The following RBFOX1 variants were observed in gnomAD, a reference collection of about 807,000 sequenced individuals.
The protein encoded by RBFOX1 is RNA binding fox-1 homolog 1.
A neutral mutation model predicts 57.7 loss-of-function variants in RBFOX1; 8 were observed. The observed-to-expected ratio is 0.14, with a 90% CI of 0.08 to 0.25. The LOEUF is 0.25. RBFOX1 is among the 10% of genes least tolerant of loss of function. The pLI is 1.00. For synonymous variants in RBFOX1, 326 were observed against 222.4 expected, an observed-to-expected ratio of 1.47 and a Z score of -4.15; for missense variants, 611 against 548.5, an observed-to-expected ratio of 1.11 and a Z score of -1.14.
chr16:5,396,519 G>A (rs1222340733), intron 1 of RBFOX1, among the ~76,000 whole-genome samples: 2 of 152,182 alleles, frequency 1.3e-5, no homozygotes, highest in Non-Finnish European at 2.9e-5. Context: ...GCACATGCCT[G>A]TATTCCCAAC....
At chr16:7,202,715 G>A (rs753037036) in intron 4 of RBFOX1, among the ~76,000 whole-genome samples, 9 of 152,268 alleles carry the variant, frequency 5.9e-5, no homozygotes, top group African/African-American at 1.2e-4. Flanking sequence ...TGCATGTGAG[G>A]GATCTAGGTT....
intron 4 of RBFOX1, among the ~76,000 whole-genome samples, chr16:7,078,493 G>T (rs2153791797): frequency 6.7e-6 from 1 of 149,316 alleles, no homozygotes; most frequent in South Asian, 2.1e-4. Flanking sequence ...GATTATAGGT[G>T]CCTGCCATCA....
chr16:7,188,556 C>G, intron 4 of RBFOX1, among the ~76,000 whole-genome samples: 1 of 152,140 alleles, frequency 6.6e-6, no homozygotes, highest in East Asian at 1.9e-4. Flanking sequence ...TCACCCACCT[C>G]GTTCCCTGAA....
At chr16:5,778,773 C>G (rs1399387602) in intron 3 of RBFOX1, among the ~76,000 whole-genome samples, 8 of 152,202 alleles carry the variant, frequency 5.3e-5, no homozygotes, top group Non-Finnish European at 1.2e-4. Context: ...TGAGCTCTAA[C>G]TCCCACCCCT....
chr16:7,661,555 A>C (rs2067731075), intron 12 of RBFOX1, among the ~76,000 whole-genome samples: 1 of 152,096 alleles, frequency 6.6e-6, no homozygotes, highest in Non-Finnish European at 1.5e-5. Context: ...TTCCACATTC[A>C]GGGCACCTCT....
At chr16:5,559,856 A>T (rs2045827872) in intron 2 of RBFOX1, among the ~76,000 whole-genome samples, 1 of 152,068 alleles carries the variant, frequency 6.6e-6, no homozygotes, top group Non-Finnish European at 1.5e-5. Context: ...GCAAGCTCAC[A>T]TCATACCCTT....
At chr16:6,075,503 C>G (rs2095885875) in intron 1 of RBFOX1, among the ~76,000 whole-genome samples, 1 of 152,084 alleles carries the variant, frequency 6.6e-6, no homozygotes, top group South Asian at 2.1e-4. Flanking sequence ...TACTGTGTAC[C>G]TTATAATAAT....
At chr16:6,662,950 T>C (rs1391762751) in intron 3 of RBFOX1, among the ~76,000 whole-genome samples, 6 of 152,188 alleles carry the variant, frequency 3.9e-5, no homozygotes, top group African/African-American at 1.4e-4. Flanking sequence ...GTGTAAAAAT[T>C]GTGAGTATGG....
chr16:6,820,768 A>G (rs1345253919), intron 3 of RBFOX1, among the ~76,000 whole-genome samples: 1 of 152,196 alleles, frequency 6.6e-6, no homozygotes, highest in Non-Finnish European at 1.5e-5. Context: ...ATGCTAAGTC[A>G]GAGACTTATT....
rs118076938 is a variant in RBFOX1 at position 5,851,174 on chromosome 16, G to T, written c.319-16129G>T. Among the ~76,000 whole-genome samples, 1,042 of 152,288 alleles carry T rather than the reference G, an allele frequency of 6.8e-3. 6 individuals carry two copies. The highest frequency in any genetic ancestry group is 0.011 in the Non-Finnish European group (759 of 68,030). On this transcript the variant is annotated intron_variant, in intron 3 of 19. Transcript: ENST00000641259. Reference sequence around the variant, plus strand: ...TGTGAAGCCAGACCCTATGACGGTAGTAACTCTCCCGCTAGTTATTATCAT... The same window carrying T: ...TGTGAAGCCAGACCCTATGACGGTATTAACTCTCCCGCTAGTTATTATCAT...
chr16:5,972,795 T>C (rs542052875), intron 4 of RBFOX1, among the ~76,000 whole-genome samples: 1 of 152,324 alleles, frequency 6.6e-6, no homozygotes, highest in African/African-American at 2.4e-5. Context: ...GTTTGCCACC[T>C]TCCTGGGCAC....
chr16:5,541,991 C>T (rs1436683166), intron 2 of RBFOX1, among the ~76,000 whole-genome samples: 1 of 152,042 alleles, frequency 6.6e-6, no homozygotes, highest in African/African-American at 2.4e-5. Context: ...GCACCATCAC[C>T]AGGGGCCTGT....
At chr16:5,478,089 G>A (rs185985698) in intron 2 of RBFOX1, among the ~76,000 whole-genome samples, 4 of 152,256 alleles carry the variant, frequency 2.6e-5, no homozygotes, top group Admixed American at 2.0e-4. Flanking sequence ...ACTTTCCTTG[G>A]AGAAGCAGAT....
intron 3 of RBFOX1, among the ~76,000 whole-genome samples, chr16:6,977,098 A>G (rs951100190): frequency 8.9e-4 from 128 of 144,356 alleles, no homozygotes; most frequent in African/African-American, 3.2e-3. Flanking sequence ...TTTTATATAT[A>G]TATCATATAT....
chr16:5,554,246 C>A (rs1037045689), intron 2 of RBFOX1, among the ~76,000 whole-genome samples: 1 of 152,116 alleles, frequency 6.6e-6, no homozygotes, highest in Non-Finnish European at 1.5e-5. Flanking sequence ...GCTGGGATTA[C>A]AGGCATGAGC....
At chr16:7,609,366 C>T (rs182434791) in intron 10 of RBFOX1, among the ~76,000 whole-genome samples, 63 of 152,194 alleles carry the variant, frequency 4.1e-4, no homozygotes, top group African/African-American at 1.5e-3. Context: ...CTAATATCCC[C>T]GTTACTTGTG....
At chr16:5,253,129 G>A (rs1453226890) in intron 1 of RBFOX1, among the ~76,000 whole-genome samples, 1 of 152,052 alleles carries the variant, frequency 6.6e-6, no homozygotes, top group Non-Finnish European at 1.5e-5. Flanking sequence ...TTTAGCAAAT[G>A]CTGTGTCATT....
intron 2 of RBFOX1, among the ~76,000 whole-genome samples, chr16:5,548,736 A>G (rs1334517133): frequency 6.6e-6 from 1 of 152,202 alleles, no homozygotes; most frequent in Non-Finnish European, 1.5e-5. Context: ...GTCTTGAGTG[A>G]GATGAGAGTT....
chr16:6,553,336 C>G (rs1377480379), intron 2 of RBFOX1, among the ~76,000 whole-genome samples: 1 of 152,188 alleles, frequency 6.6e-6, no homozygotes, highest in African/African-American at 2.4e-5. Context: ...CAGACGTAGG[C>G]AGCAAATGCT....
Sources: gnomAD v4.1 joint callset for allele counts (sites outside exome capture counted in the v4.1 genomes callset) on GRCh38, gnomAD v4.1.1 for gene constraint, MANE v1.5 for transcripts, NCBI Gene and HGNC (gene_info 2026-07-23, HGNC 2026-07-21) for gene names.